ERC2: variants seen among roughly 807,000 people sequenced by gnomAD.
The protein encoded by ERC2 is ELKS/RAB6-interacting/CAST family member 2.
A neutral mutation model predicts 114.8 loss-of-function variants in ERC2; 42 were observed. That is an observed-to-expected ratio of 0.37 (90% CI 0.29 to 0.47). The LOEUF (loss-of-function observed/expected upper bound fraction) is 0.47. ERC2 is among the 20% of genes least tolerant of loss of function. The probability of loss-of-function intolerance (pLI) is 0.99; values close to 1 mark genes in which losing one functional copy is unlikely to be tolerated. For missense variants in ERC2, 939 were observed against 1,150.7 expected (o/e 0.82, Z 2.66); for synonymous variants, 454 against 425.5 (o/e 1.07, Z -0.82).
chr3:55,953,937 G>A (rs1198393169), intron 12 of ERC2, among the ~76,000 whole-genome samples: 2 of 152,014 alleles, frequency 1.3e-5, no homozygotes, highest in Admixed American at 6.6e-5. Context: ...GCTTTCAAAT[G>A]TCTCCACAAT....
At chr3:55,901,668 T>C (rs997553559) in intron 13 of ERC2, among the ~76,000 whole-genome samples, 2 of 152,318 alleles carry the variant, frequency 1.3e-5, no homozygotes, top group Non-Finnish European at 2.9e-5. Flanking sequence ...AAAGATAATG[T>C]CCCTTTCTTA....
chr3:55,564,288 A>G (rs183657434), intron 17 of ERC2, among the ~76,000 whole-genome samples: 836 of 152,342 alleles, frequency 5.5e-3, no homozygotes, highest in Non-Finnish European at 8.3e-3. Context: ...CTTGGAGGAT[A>G]TAAACTTGGA....
chr3:55,586,155 G>A (rs1399412354), intron 17 of ERC2, among the ~76,000 whole-genome samples: 1 of 152,086 alleles, frequency 6.6e-6, no homozygotes, highest in Non-Finnish European at 1.5e-5. Flanking sequence ...TGGGGAGGGA[G>A]TGGGGACTGC....
chr3:55,583,830 C>A (rs2057447778), intron 17 of ERC2, among the ~76,000 whole-genome samples: 2 of 151,692 alleles, frequency 1.3e-5, no homozygotes, highest in Non-Finnish European at 2.9e-5. Flanking sequence ...CTTCAAAGGG[C>A]AGCAGAGGGC....
intron 12 of ERC2, among the ~76,000 whole-genome samples, chr3:55,952,179 ACTCTCTCTCTCTCT>A (rs775838556): frequency 1.6e-5 from 1 of 62,108 alleles, no homozygotes; most frequent in African/African-American, 5.5e-5. Context: ...ACACACACAC[ACTCTCTCTCTCTCT>A]CTCTCTATAT....
intron 2 of ERC2, among the ~76,000 whole-genome samples, chr3:56,426,729 G>C (rs2061584215): frequency 6.6e-6 from 1 of 152,226 alleles, no homozygotes; most frequent in African/African-American, 2.4e-5. Context: ...CCAACCTCCA[G>C]TTTAACCCAA....
chr3:56,423,652 C>A (rs1396154305), intron 2 of ERC2, among the ~76,000 whole-genome samples: 1 of 152,338 alleles, frequency 6.6e-6, no homozygotes, highest in East Asian at 1.9e-4. Context: ...AATGGCTACA[C>A]GTTGCTTCCA....
intron 13 of ERC2, among the ~76,000 whole-genome samples, chr3:55,909,152 T>C (rs2064648924): frequency 6.6e-6 from 1 of 152,150 alleles, no homozygotes; most frequent in Admixed American, 6.5e-5. Context: ...GCCAGCCCCT[T>C]CCATCTCGGC....
chr3:56,195,946 A>G (rs936608008), intron 3 of ERC2, among the ~76,000 whole-genome samples: 1 of 152,330 alleles, frequency 6.6e-6, no homozygotes, highest in Admixed American at 6.5e-5. Context: ...TCAGGACAGC[A>G]GGGGACAAAG....
intron 15 of ERC2, among the ~76,000 whole-genome samples, chr3:55,728,105 C>T (rs147767996): frequency 9.9e-5 from 15 of 152,220 alleles, no homozygotes; most frequent in African/African-American, 3.4e-4. Flanking sequence ...ATGATTTATT[C>T]ATTCATTCAT....
chr3:56,206,526 G>C (rs1334437005), intron 3 of ERC2, among the ~76,000 whole-genome samples: 1 of 152,168 alleles, frequency 6.6e-6, no homozygotes, highest in African/African-American at 2.4e-5. Flanking sequence ...TGATAACTAT[G>C]CTTATGAAAT....
At chr3:56,144,528 C>T (rs576510377) in intron 5 of ERC2, among the ~76,000 whole-genome samples, 8 of 152,204 alleles carry the variant, frequency 5.3e-5, no homozygotes, top group South Asian at 2.1e-4. Context: ...GTGAAAAAAC[C>T]GATTCGTGCT....
At chr3:55,583,477 T>TCCCTCCTTCCTTCTCTCCCCC (rs1296268883) in intron 17 of ERC2, among the ~76,000 whole-genome samples, 1 of 38,016 alleles carries the variant, frequency 2.6e-5, no homozygotes, top group African/African-American at 1.3e-4. Context: ...CCTTCCTCCC[T>TCCCTCCTTCCTTCTCTCCCCC]CCCCTCCATC....
At chr3:56,148,527 T>C (rs1482416341) in intron 5 of ERC2, among the ~76,000 whole-genome samples, 1 of 152,210 alleles carries the variant, frequency 6.6e-6, no homozygotes, top group Admixed American at 6.5e-5. Flanking sequence ...CCTCAGCTGA[T>C]CTGCCTGCCT....
At chr3:55,810,074 A>G (rs1260310658) in intron 14 of ERC2, among the ~76,000 whole-genome samples, 1 of 152,220 alleles carries the variant, frequency 6.6e-6, no homozygotes, top group African/African-American at 2.4e-5. Context: ...TCTACAAATC[A>G]TCAGGCAACT....
intron 4 of ERC2, among the ~76,000 whole-genome samples, chr3:56,151,062 C>T (rs2081385622): frequency 6.6e-6 from 1 of 152,156 alleles, no homozygotes; most frequent in Non-Finnish European, 1.5e-5. Context: ...ACCCTAATCT[C>T]GGCCTTCTAG....
intron 12 of ERC2, among the ~76,000 whole-genome samples, chr3:55,972,230 G>T (rs1364758851): frequency 6.6e-6 from 1 of 152,126 alleles, no homozygotes; most frequent in Non-Finnish European, 1.5e-5. Context: ...ACATGGAGCT[G>T]GGAAATGATA....
intron 3 of ERC2, among the ~76,000 whole-genome samples, chr3:56,224,362 C>A (rs1159252012): frequency 1.3e-5 from 2 of 152,042 alleles, no homozygotes; most frequent in Non-Finnish European, 2.9e-5. Flanking sequence ...TGTCCAAATC[C>A]AGAATAAAGA....
At position 56,422,191 on chromosome 3, in the gene ERC2, A is replaced by C. The variant is rs1006606163; in HGVS notation, c.657+12160T>G. On this transcript the variant is annotated intron_variant, in intron 2 of 17. Transcript: ENST00000288221. Reference sequence around the variant, plus strand: ...AATTCCTGAAGATAGAGGCAAGGACAGGAGGAATTCTAAATGATTAATGAG... The same window carrying C: ...AATTCCTGAAGATAGAGGCAAGGACCGGAGGAATTCTAAATGATTAATGAG... Among the ~76,000 whole-genome samples the C allele has an allele frequency of 2.0e-5, 3 of 152,304 alleles. No individual in the cohort carries two copies. The South Asian group carries it at 6.2e-4, about 32-fold the overall frequency.
Sources: gnomAD v4.1 joint callset for allele counts (sites outside exome capture counted in the v4.1 genomes callset) on GRCh38, gnomAD v4.1.1 for gene constraint, MANE v1.5 for transcripts, NCBI Gene and HGNC (gene_info 2026-07-23, HGNC 2026-07-21) for gene names.